The following MAGI1 variants were observed in gnomAD, a reference collection of about 807,000 sequenced individuals.
MAGI1 encodes membrane associated guanylate kinase, WW and PDZ domain containing 1.
Under a neutral mutation model 139.9 loss-of-function variants are expected in MAGI1, and 58 were observed. The ratio of observed to expected loss-of-function variants is 0.41; its 90% CI spans 0.34 to 0.52. The LOEUF (loss-of-function observed/expected upper bound fraction) is 0.52. Ranked by LOEUF, MAGI1 falls within the 20% of genes least tolerant of loss-of-function variation. The pLI, the probability that MAGI1 is intolerant of heterozygous loss-of-function variation, is 0.12. For synonymous variants in MAGI1, 812 were observed against 737.9 expected (o/e 1.10, Z -1.63); for missense variants, 1,874 against 1,901.6 (o/e 0.99, Z 0.27).
rs182965908 is a variant in MAGI1, at chr3:65,627,951, A to C, written c.314-5863T>G. 8.5e-5 allele frequency among the ~76,000 whole-genome samples: 13 copies of C among 152,296 alleles called. No individual in the cohort carries two copies. The East Asian group carries it at 2.5e-3, about 29-fold the overall frequency. On this transcript the variant is annotated intron_variant, in intron 1 of 22. Transcript: ENST00000402939. ...TTTTTCTTATTTTAAATGTTGTATAATATTCAATATTAAAATAAACCACAA... is the reference window on the plus strand; with the variant it reads ...TTTTTCTTATTTTAAATGTTGTATACTATTCAATATTAAAATAAACCACAA...
chr3:65,980,455 C>G (rs552542243), intron 1 of MAGI1, among the ~76,000 whole-genome samples: 5 of 151,464 alleles, frequency 3.3e-5, no homozygotes, highest in South Asian at 2.1e-4. Flanking sequence ...CCCAGCTACT[C>G]GAGAGGCTGA....
chr3:65,631,488 T>C (rs1038711526), intron 1 of MAGI1, among the ~76,000 whole-genome samples: 12 of 152,204 alleles, frequency 7.9e-5, no homozygotes, highest in African/African-American at 2.9e-4. Flanking sequence ...TTAGTAGGCA[T>C]AAAAATTGTT....
intron 1 of MAGI1, among the ~76,000 whole-genome samples, chr3:65,705,190 T>C (rs1436775926): frequency 2.0e-5 from 3 of 152,170 alleles, no homozygotes; most frequent in Non-Finnish European, 2.9e-5. Context: ...ATTTCTAAGC[T>C]TACATTTGGA....
intron 1 of MAGI1, among the ~76,000 whole-genome samples, chr3:65,891,045 T>C (rs2060722990): frequency 6.6e-6 from 1 of 151,680 alleles, no homozygotes. Context: ...AAACCCCATC[T>C]CTACAAAAAT....
At chr3:65,551,540 T>A (rs920535884) in intron 2 of MAGI1, among the ~76,000 whole-genome samples, 1 of 152,168 alleles carries the variant, frequency 6.6e-6, no homozygotes, top group African/African-American at 2.4e-5. Flanking sequence ...GACCTCGTGA[T>A]CCGCCCGCCT....
At chr3:65,586,418 T>C (rs1576398700) in intron 2 of MAGI1, among the ~76,000 whole-genome samples, 1 of 152,164 alleles carries the variant, frequency 6.6e-6, no homozygotes. Flanking sequence ...ATTTTAGGAA[T>C]GCTGATTTTT....
At chr3:65,670,904 G>A (rs147960837) in intron 1 of MAGI1, among the ~76,000 whole-genome samples, 3 of 152,228 alleles carry the variant, frequency 2.0e-5, no homozygotes, top group Admixed American at 6.5e-5. Context: ...TAAGCCTCTA[G>A]AATGTACCAA....
At chr3:65,658,163 G>C (rs556164953) in intron 1 of MAGI1, among the ~76,000 whole-genome samples, 7 of 152,284 alleles carry the variant, frequency 4.6e-5, no homozygotes, top group African/African-American at 1.7e-4. Flanking sequence ...AATTTATATT[G>C]AGAAGGTAGA....
intron 1 of MAGI1, among the ~76,000 whole-genome samples, chr3:65,965,510 G>T (rs528664034): frequency 2.0e-5 from 3 of 152,226 alleles, no homozygotes; most frequent in South Asian, 4.1e-4. Flanking sequence ...ATGTTAGGGG[G>T]TGCTGAAGAC....
chr3:65,800,410 T>C (rs773386122), intron 1 of MAGI1, among the ~76,000 whole-genome samples: 8 of 152,176 alleles, frequency 5.3e-5, no homozygotes, highest in South Asian at 2.1e-4. Flanking sequence ...CTTTTAGTAA[T>C]TGTGAATTTC....
intron 1 of MAGI1, among the ~76,000 whole-genome samples, chr3:65,711,169 A>C (rs1174265884): frequency 6.6e-6 from 1 of 152,230 alleles, no homozygotes; most frequent in Non-Finnish European, 1.5e-5. Flanking sequence ...GGATGATGCT[A>C]TGAACAAGAG....
intron 11 of MAGI1, 45 bp downstream of exon 11, chr3:65,430,654 T>G: frequency 6.3e-7 from 1 of 1,579,994 alleles, no homozygotes; most frequent in East Asian, 2.3e-5. Flanking sequence ...TCTCCTGGAT[T>G]GGAGTCTCAC....
chr3:65,577,574 A>G (rs575276553), intron 2 of MAGI1, among the ~76,000 whole-genome samples: 19 of 152,296 alleles, frequency 1.2e-4, no homozygotes, highest in African/African-American at 4.6e-4. Context: ...ACAGCTGTCA[A>G]AACAGTCCTT....
intron 12 of MAGI1, among the ~76,000 whole-genome samples, chr3:65,410,636 C>A (rs952088708): frequency 6.6e-6 from 1 of 152,186 alleles, no homozygotes; most frequent in African/African-American, 2.4e-5. Context: ...GTATCTAGGG[C>A]TCATAACTGC....
chr3:65,449,477 A>G (rs997506836), intron 6 of MAGI1, among the ~76,000 whole-genome samples: 4 of 152,160 alleles, frequency 2.6e-5, no homozygotes, highest in African/African-American at 9.7e-5. Flanking sequence ...GACATATCAA[A>G]ATGAACACAA....
intron 1 of MAGI1, among the ~76,000 whole-genome samples, chr3:65,930,303 A>G (rs1412915226): frequency 2.3e-5 from 3 of 128,530 alleles, no homozygotes; most frequent in Admixed American, 1.8e-4. Flanking sequence ...GCGAAAGAGC[A>G]AGACTCCGTC....
intron 1 of MAGI1, among the ~76,000 whole-genome samples, chr3:65,627,603 G>T (rs2084048732): frequency 7.5e-6 from 1 of 133,040 alleles, no homozygotes; most frequent in East Asian, 2.6e-4. Context: ...CGCCTCCCGG[G>T]TTCACGCCAT....
At chr3:65,405,196 A>G (rs77695760) in intron 12 of MAGI1, among the ~76,000 whole-genome samples, 39 of 152,338 alleles carry the variant, frequency 2.6e-4, no homozygotes, top group African/African-American at 9.4e-4. Context: ...TTGAGTATCT[A>G]AAGTTCTCTA....
intron 1 of MAGI1, among the ~76,000 whole-genome samples, chr3:65,925,957 C>T (rs1410759186): frequency 1.3e-5 from 2 of 152,192 alleles, no homozygotes; most frequent in African/African-American, 2.4e-5. Context: ...GGATTACAGG[C>T]GTGAGCCACT....
Sources: gnomAD v4.1 joint callset for allele counts (sites outside exome capture counted in the v4.1 genomes callset) on GRCh38, gnomAD v4.1.1 for gene constraint, MANE v1.5 for transcripts, NCBI Gene and HGNC (gene_info 2026-07-23, HGNC 2026-07-21) for gene names.